The following PCSK2 variants were observed in gnomAD, a reference collection of about 807,000 sequenced individuals.
PCSK2 encodes the protein neuroendocrine convertase 2.
PCSK2 carries 14 observed loss-of-function variants against 69.7 expected under a neutral mutation model. The observed-to-expected ratio is 0.20, with a 90% CI of 0.13 to 0.31. The LOEUF is 0.31. Ranked by LOEUF, PCSK2 falls within the 10% of genes least tolerant of loss-of-function variation. The pLI, the probability that PCSK2 is intolerant of heterozygous loss-of-function variation, is 1.00. For missense variants in PCSK2, 544 were observed against 842.5 expected, an observed-to-expected ratio of 0.65 and a Z score of 4.39; for synonymous variants, 307 against 320.7, an observed-to-expected ratio of 0.96 and a Z score of 0.46.
intron 2 of PCSK2, among the ~76,000 whole-genome samples, chr20:17,308,478 G>A (rs550917071): frequency 6.6e-6 from 1 of 152,316 alleles, no homozygotes; most frequent in Non-Finnish European, 1.5e-5. Flanking sequence ...ATTCCAGGCG[G>A]AAGTGCAAAG....
chr20:17,378,832 G>A (rs2031008582), intron 5 of PCSK2, among the ~76,000 whole-genome samples: 1 of 152,316 alleles, frequency 6.6e-6, no homozygotes, highest in South Asian at 2.1e-4. Flanking sequence ...CCACAAGAAA[G>A]TCATTTATGC....
At chr20:17,419,874 A>G (rs770847475) in intron 6 of PCSK2, among the ~76,000 whole-genome samples, 2 of 152,230 alleles carry the variant, frequency 1.3e-5, no homozygotes, top group Non-Finnish European at 1.5e-5. Flanking sequence ...GACGATATTT[A>G]TGAAGCATTG....
intron 2 of PCSK2, among the ~76,000 whole-genome samples, chr20:17,281,316 T>A (rs1223392948): frequency 2.0e-5 from 3 of 152,148 alleles, no homozygotes; most frequent in Non-Finnish European, 4.4e-5. Flanking sequence ...TCTAAACACT[T>A]CTCCTGGCCC....
intron 2 of PCSK2, among the ~76,000 whole-genome samples, chr20:17,346,741 G>A (rs1259700607): frequency 1.3e-5 from 2 of 152,160 alleles, no homozygotes; most frequent in African/African-American, 4.8e-5. Flanking sequence ...CTGGCATAGA[G>A]CCTCCATCTT....
At chr20:17,459,059 A>C (rs1398839375) in intron 10 of PCSK2, among the ~76,000 whole-genome samples, 1 of 152,166 alleles carries the variant, frequency 6.6e-6, no homozygotes, top group Non-Finnish European at 1.5e-5. Flanking sequence ...CACATGCTGG[A>C]CTGGAACAAC....
Position 17,275,084 on chromosome 20 carries a change from C to CATATATATATAT in PCSK2, c.282+14758_282+14769dup, listed in dbSNP as rs11474649. Among the ~76,000 whole-genome samples, 385 of 141,462 alleles carry CATATATATATAT rather than the reference C, an allele frequency of 2.7e-3. 2 individuals carry two copies. The highest frequency in any genetic ancestry group is 7.5e-3 in the African/African-American group (290 of 38,596). The allele number at this position is 141,462 out of a possible 152,430, so 92.8% of individuals were successfully genotyped here. A position where few individuals can be genotyped will look rare whatever the true frequency, so the allele number is the denominator to read the frequency against. On this transcript the variant is annotated intron_variant, in intron 2 of 11. Coordinates refer to ENST00000262545, the MANE Select transcript of PCSK2 (RefSeq NM_002594.5). The stretch of plus-strand genomic sequence containing the variant: ...TCTTATTTTGTGCATATTATTTATA[C>CATATATATATAT]ATATATATATATATATATATATATA...
At chr20:17,235,378 C>T (rs567556306) in intron 1 of PCSK2, among the ~76,000 whole-genome samples, 155 of 152,216 alleles carry the variant, frequency 1.0e-3, no homozygotes, top group African/African-American at 3.6e-3. Context: ...TTGTTTACAA[C>T]TTTAAATTTG....
chr20:17,361,048 A>T (rs2030374356), intron 4 of PCSK2, among the ~76,000 whole-genome samples: 1 of 152,238 alleles, frequency 6.6e-6, no homozygotes, highest in African/African-American at 2.4e-5. Flanking sequence ...AATTAATTAA[A>T]GTTAAATAAA....
intron 1 of PCSK2, among the ~76,000 whole-genome samples, chr20:17,253,648 T>G (rs1987074509): frequency 6.6e-6 from 1 of 152,228 alleles, no homozygotes; most frequent in African/African-American, 2.4e-5. Flanking sequence ...TTGACTATCA[T>G]GAATAATGTT....
chr20:17,342,620 T>C (rs1333970402), intron 2 of PCSK2, among the ~76,000 whole-genome samples: 1 of 151,420 alleles, frequency 6.6e-6, no homozygotes, highest in Non-Finnish European at 1.5e-5. Flanking sequence ...GCCTCGCCTA[T>C]AAAGCTCTTT....
chr20:17,410,423 G>A (rs1415986499), intron 6 of PCSK2, among the ~76,000 whole-genome samples: 1 of 152,170 alleles, frequency 6.6e-6, no homozygotes, highest in African/African-American at 2.4e-5. Flanking sequence ...TCTAAAGTTA[G>A]CAAGTTGACC....
intron 2 of PCSK2, among the ~76,000 whole-genome samples, chr20:17,354,140 T>C (rs972975045): frequency 2.6e-5 from 4 of 152,188 alleles, no homozygotes; most frequent in African/African-American, 9.7e-5. Context: ...AAAATAAAGT[T>C]GAAATTACAA....
At chr20:17,303,544 TATGATATA>T (rs1989222242) in intron 2 of PCSK2, among the ~76,000 whole-genome samples, 4 of 31,152 alleles carry the variant, frequency 1.3e-4, no homozygotes, top group African/African-American at 4.0e-4. Context: ...TTATATATAA[TATGATATA>T]ATATATATTA....
At chr20:17,304,456 A>G (rs945447881) in intron 2 of PCSK2, among the ~76,000 whole-genome samples, 1 of 152,180 alleles carries the variant, frequency 6.6e-6, no homozygotes, top group Non-Finnish European at 1.5e-5. Context: ...TTATCTTTTT[A>G]AGAGCCAATT....
intron 2 of PCSK2, among the ~76,000 whole-genome samples, chr20:17,313,126 TATCC>T (rs1401455711): frequency 4.6e-5 from 7 of 152,190 alleles, no homozygotes; most frequent in African/African-American, 7.2e-5. Flanking sequence ...TAACCCAACA[TATCC>T]AAAATATTAC....
At chr20:17,305,441 A>G (rs1198212233) in intron 2 of PCSK2, among the ~76,000 whole-genome samples, 1 of 152,204 alleles carries the variant, frequency 6.6e-6, no homozygotes, top group African/African-American at 2.4e-5. Flanking sequence ...ATTGGAGGGA[A>G]GAAGGGAAGG....
chr20:17,417,416 A>G (rs2032024694), intron 6 of PCSK2, among the ~76,000 whole-genome samples: 1 of 152,234 alleles, frequency 6.6e-6, no homozygotes, highest in African/African-American at 2.4e-5. Context: ...TTAGGGAGCC[A>G]ATGATTAAGA....
intron 2 of PCSK2, among the ~76,000 whole-genome samples, chr20:17,267,256 C>A (rs1987651860): frequency 6.6e-6 from 1 of 152,158 alleles, no homozygotes; most frequent in African/African-American, 2.4e-5. Context: ...TCTGACCTAG[C>A]CTCCCATCTG....
At position 17,354,151 on chromosome 20, in the gene PCSK2, C is replaced by A. The variant is rs544620699; in HGVS notation, c.283-4176C>A. Among the ~76,000 whole-genome samples, 32 of 152,218 alleles carry A rather than the reference C, an allele frequency of 2.1e-4. 2 individuals are homozygous for A. Among genetic ancestry groups the A allele is most frequent in the Non-Finnish European group, 4.0e-4 (27 of 67,980 alleles). On this transcript the variant is annotated intron_variant, in intron 2 of 11. Transcript: ENST00000262545. Reference sequence around the variant, plus strand: ...ATCTAAAATAAAGTTGAAATTACAACAAAATTTTTTTAAATGTTTAAAAGA... The same window carrying A: ...ATCTAAAATAAAGTTGAAATTACAAAAAAATTTTTTTAAATGTTTAAAAGA...
Sources: allele counts gnomAD v4.1 joint callset (sites outside exome capture counted in the v4.1 genomes callset), GRCh38; gene constraint gnomAD v4.1.1; transcripts MANE v1.5; gene names NCBI Gene and HGNC (gene_info 2026-07-23, HGNC 2026-07-21).